SLC38A11: variants seen among roughly 807,000 people sequenced by gnomAD.
SLC38A11 encodes putative sodium-coupled neutral amino acid transporter 11.
Under a neutral mutation model 49.4 loss-of-function variants are expected in SLC38A11, and 51 were observed. The ratio of observed to expected loss-of-function variants is 1.03; its 90% CI spans 0.83 to 1.30. SLC38A11 has a LOEUF of 1.30. SLC38A11 is among the 50% of genes most tolerant of loss of function. The pLI, the probability that SLC38A11 is intolerant of heterozygous loss-of-function variation, is 0.00. For missense variants in SLC38A11, 574 were observed against 556.2 expected, an observed-to-expected ratio of 1.03 and a Z score of -0.32; for synonymous variants, 203 against 192.9, an observed-to-expected ratio of 1.05 and a Z score of -0.43.
chr2:164,935,821 T>C (rs1687331806), intron 7 of SLC38A11, among the ~76,000 whole-genome samples: 1 of 152,124 alleles, frequency 6.6e-6, no homozygotes, highest in Admixed American at 6.6e-5. Context: ...CTTTGAGAGA[T>C]AATTAGGGTT....
In SLC38A11 at chr2:164,897,610, C is replaced by G. The variant is rs1684399489; in HGVS notation, c.*827G>C. On this transcript the variant is annotated 3_prime_UTR_variant, in exon 12 of 12. Transcript: ENST00000685975. ...GGACTGAGAAAGCTTCTTCTGTAGC[C>G]CTGATTCTTCTTACACGTTTCTAGT... The G allele has an allele frequency of 6.6e-6, 1 of 152,292 alleles. No homozygotes were observed. Among genetic ancestry groups the G allele is most frequent in the East Asian group, 1.9e-4 (1 of 5,180 alleles). The allele number at this position is 152,292 out of a possible 1,614,324, so 9.4% of individuals were successfully genotyped here.
intron 11 of SLC38A11, among the ~76,000 whole-genome samples, chr2:164,901,902 G>C (rs904933567): frequency 1.3e-5 from 2 of 151,962 alleles, no homozygotes; most frequent in Admixed American, 6.6e-5. Context: ...TTCATAAATA[G>C]CCTTTATTAT....
Position 164,911,706 on chromosome 2 carries a change from G to A in SLC38A11, c.893C>T (p.Thr298Ile). 1 of 1,606,216 alleles carries A rather than the reference G, an allele frequency of 6.2e-7. No individual in the cohort carries two copies. The highest frequency in any genetic ancestry group is 1.3e-5 in the African/African-American group (1 of 74,592). The change falls in exon 10 of 12, where the codon ACA becomes ATA. Residue 298 changes from threonine (T) to isoleucine (I), a missense_variant. Transcript: ENST00000685975. ...GACACCATAACAAAATCTTCCAAAT[G>A]TTACCAGGTCATCATTTCTGCAGTA... ...ENYCRNDDLV[T>I]FGRFCYGVTV...
At chr2:164,950,892 T>C (rs1688477414) in intron 3 of SLC38A11, among the ~76,000 whole-genome samples, 1 of 152,152 alleles carries the variant, frequency 6.6e-6, no homozygotes, top group South Asian at 2.1e-4. Flanking sequence ...ACCCTACATG[T>C]AGATTTTGCT....
At chr2:164,944,670 C>T in intron 4 of SLC38A11, 36 bp from the exon 5 acceptor site, 2 of 839,162 alleles carry the variant, frequency 2.4e-6, no homozygotes, top group South Asian at 4.1e-5. Context: ...CATCAATAAG[C>T]CATCTCATAT....
intron 6 of SLC38A11, among the ~76,000 whole-genome samples, chr2:164,938,079 G>A (rs1687500875): frequency 6.6e-6 from 1 of 152,024 alleles, no homozygotes; most frequent in Non-Finnish European, 1.5e-5. Context: ...TGCTAGGTTT[G>A]TGTGCCTAGT....
Position 164,898,280 on chromosome 2 carries a change from TC to T in SLC38A11, c.*156del. On this transcript the variant is annotated 3_prime_UTR_variant, in exon 12 of 12. Transcript: ENST00000685975. Reference sequence around the variant, plus strand: ...TTAAAGGTGAAATACATTCAATTTTTCTTTTCTTTATCTTTTATATTGCACT... The same window carrying T: ...TTAAAGGTGAAATACATTCAATTTTTTTTTCTTTATCTTTTATATTGCACT... 1.7e-6 allele frequency: 1 copy of T among 587,440 alleles called. No homozygotes were observed. The highest frequency in any genetic ancestry group is 3.0e-6 in the Non-Finnish European group (1 of 338,236). 36.4% of individuals were successfully genotyped at this position (587,440 alleles called of 1,614,324 possible).
intron 7 of SLC38A11, among the ~76,000 whole-genome samples, chr2:164,934,389 C>T (rs932565329): frequency 1.3e-5 from 2 of 152,124 alleles, no homozygotes; most frequent in African/African-American, 4.8e-5. Flanking sequence ...TTATTTTAAT[C>T]TCTTTAAACC....
intron 7 of SLC38A11, among the ~76,000 whole-genome samples, chr2:164,934,152 G>A (rs1310771989): frequency 1.3e-5 from 2 of 151,980 alleles, no homozygotes; most frequent in African/African-American, 4.8e-5. Context: ...ATAGTCATTT[G>A]TATAGCTTTG....
At chr2:164,914,172 T>C (rs558478240) in intron 9 of SLC38A11, among the ~76,000 whole-genome samples, 19 of 152,146 alleles carry the variant, frequency 1.2e-4, no homozygotes, top group African/African-American at 4.6e-4. Context: ...CTCTTTGTGT[T>C]TTAATCAGGG....
Position 164,922,723 on chromosome 2 carries a change from C to A in SLC38A11, c.618-6750G>T, listed in dbSNP as rs1450802667. On this transcript the variant is annotated intron_variant, in intron 7 of 11. Transcript: ENST00000685975. ...ATCATTTTTTAAATTTAGAAAAAAA[C>A]TATTATGAAATTCGTATGGAATGAG... 3.3e-5 allele frequency among the ~76,000 whole-genome samples: 5 copies of A among 152,248 alleles called. No individual in the cohort carries two copies. The East Asian group carries it at 7.7e-4, about 23-fold the overall frequency.
chr2:164,901,534 T>C (rs1684651626), intron 11 of SLC38A11, among the ~76,000 whole-genome samples: 1 of 152,160 alleles, frequency 6.6e-6, no homozygotes, highest in Admixed American at 6.6e-5. Context: ...ATGATATTGT[T>C]TTCTTGATTT....
chr2:164,942,857 A>G (rs2105506757), intron 5 of SLC38A11, among the ~76,000 whole-genome samples: 1 of 152,320 alleles, frequency 6.6e-6, no homozygotes, highest in Middle Eastern at 3.4e-3. Context: ...TCTATGAAGC[A>G]GATGATATTC....
chr2:164,941,248 C>G (rs953980914), intron 5 of SLC38A11, among the ~76,000 whole-genome samples: 6 of 151,964 alleles, frequency 3.9e-5, no homozygotes, highest in African/African-American at 1.5e-4. Flanking sequence ...AATTTAAAAG[C>G]ATGTGAACAT....
chr2:164,942,276 C>T (rs1298027142), intron 5 of SLC38A11, among the ~76,000 whole-genome samples: 3 of 151,344 alleles, frequency 2.0e-5, no homozygotes, highest in Admixed American at 6.6e-5. Context: ...TAGCAAAACC[C>T]CATCTCTACA....
intron 11 of SLC38A11, among the ~76,000 whole-genome samples, chr2:164,907,446 TG>T (rs1685096262): frequency 6.6e-6 from 1 of 151,482 alleles, no homozygotes; most frequent in Non-Finnish European, 1.5e-5. Context: ...GCTAATTTTT[TG>T]TAGAGACGGG....
At chr2:164,927,166 C>T (rs1029435207) in intron 7 of SLC38A11, among the ~76,000 whole-genome samples, 1 of 152,252 alleles carries the variant, frequency 6.6e-6, no homozygotes, top group Non-Finnish European at 1.5e-5. Flanking sequence ...CGTGAAGATG[C>T]AGGATTTGTC....
rs1684371286 is a variant in SLC38A11, at chr2:164,896,033, A to G, written c.*2404T>C. Reference sequence around the variant, plus strand: ...TTCAAAAACTGGTTTAAAACCTTCAAGTTGCTTTGTTAGGGGCAACAAGTG... The same window carrying G: ...TTCAAAAACTGGTTTAAAACCTTCAGGTTGCTTTGTTAGGGGCAACAAGTG... On this transcript the variant is annotated 3_prime_UTR_variant, in exon 12 of 12. Transcript: ENST00000685975. Among the ~76,000 whole-genome samples, 1 of 152,128 alleles carries G rather than the reference A, an allele frequency of 6.6e-6. No homozygotes were observed. The highest frequency in any genetic ancestry group is 1.5e-5 in the Non-Finnish European group (1 of 68,028).
At chr2:164,906,028 G>A (rs1334614314) in intron 11 of SLC38A11, among the ~76,000 whole-genome samples, 1 of 151,998 alleles carries the variant, frequency 6.6e-6, no homozygotes, top group African/African-American at 2.4e-5. Flanking sequence ...TTTACAGAAA[G>A]TAATGGCTAG....
Sources: gnomAD v4.1 joint callset for allele counts (sites outside exome capture counted in the v4.1 genomes callset) on GRCh38, gnomAD v4.1.1 for gene constraint, MANE v1.5 for transcripts, NCBI Gene and HGNC (gene_info 2026-07-23, HGNC 2026-07-21) for gene names.